The following WRN variants were observed in gnomAD, a reference collection of about 807,000 sequenced individuals.
The protein encoded by WRN is WRN RecQ like helicase, also known as bifunctional 3'-5' exonuclease/ATP-dependent helicase WRN.
Under a neutral mutation model 180.7 loss-of-function variants are expected in WRN, and 149 were observed. The observed-to-expected ratio is 0.82, with a 90% CI of 0.72 to 0.94. WRN has a LOEUF of 0.94. WRN is among the 40% of genes least tolerant of loss of function. The probability of loss-of-function intolerance (pLI) is 0.00; values close to 1 mark genes in which losing one functional copy is unlikely to be tolerated. For synonymous variants in WRN, 548 were observed against 568.9 expected (o/e 0.96, Z 0.52); for missense variants, 1,661 against 1,700.1 (o/e 0.98, Z 0.40).
chr8:31,148,363 T>C (rs978424125), intron 30 of WRN, among the ~76,000 whole-genome samples: 2 of 152,220 alleles, frequency 1.3e-5, no homozygotes, highest in African/African-American at 4.8e-5. Context: ...TCATCTGATA[T>C]ATGAGTACCA....
rs1212981610 is a variant in WRN at position 31,147,408 on chromosome 8, C to A, written c.3504C>A (p.Ala1168=). ...TGGTAGAAGCTAGGCAGAAACATGC[C>A]AATAAAATGGATGTTCCCCCAGCTA... ...GKLVEARQKH[A]NKMDVPPAIL... Residue 1168 remains alanine (A), a synonymous_variant, in exon 30 of 35, where the codon GCC becomes GCA. Coordinates refer to ENST00000298139, the MANE Select transcript of WRN (RefSeq NM_000553.6). The A allele has an allele frequency of 1.9e-6, 3 of 1,613,846 alleles. No individual in the cohort carries two copies. Among genetic ancestry groups the A allele is most frequent in the Non-Finnish European group, 2.5e-6 (3 of 1,179,976 alleles).
intron 33 of WRN, among the ~76,000 whole-genome samples, chr8:31,162,536 A>G (rs969692698): frequency 6.6e-6 from 1 of 152,246 alleles, no homozygotes; most frequent in African/African-American, 2.4e-5. Context: ...TGTATAGTAT[A>G]GCAAACACAT....
intron 18 of WRN, among the ~76,000 whole-genome samples, chr8:31,109,843 C>T (rs75953593): frequency 0.024 from 3,695 of 152,154 alleles, 139 homozygotes; most frequent in African/African-American, 0.085. Flanking sequence ...AATCTGATTC[C>T]AAAACAGACT....
At chr8:31,042,534 C>A (rs1213921693) in intron 1 of WRN, among the ~76,000 whole-genome samples, 3 of 152,312 alleles carry the variant, frequency 2.0e-5, no homozygotes, top group Non-Finnish European at 4.4e-5. Flanking sequence ...TGATGAGACT[C>A]TTCTTGTAGG....
intron 16 of WRN, among the ~76,000 whole-genome samples, 184 bp downstream of exon 16, chr8:31,092,082 A>G (rs1251572050): frequency 6.6e-6 from 1 of 151,956 alleles, no homozygotes. Context: ...TACTAAATGC[A>G]TGAAAAAAAA....
At chr8:31,124,383 T>C in intron 21 of WRN, 139 bp from the exon 22 acceptor site, 2 of 644,642 alleles carry the variant, frequency 3.1e-6, no homozygotes, top group Non-Finnish European at 5.4e-6. Context: ...CTTTCTGAGA[T>C]GCTAGAAATG....
At chr8:31,116,585 C>A in intron 20 of WRN, 57 bp downstream of exon 20, 1 of 1,599,666 alleles carries the variant, frequency 6.3e-7, no homozygotes. Context: ...GGATATTTCT[C>A]AAATGTTTAT....
chr8:31,141,999 G>C (rs1802657488), intron 26 of WRN, among the ~76,000 whole-genome samples: 2 of 152,018 alleles, frequency 1.3e-5, no homozygotes, highest in Admixed American at 1.3e-4. Context: ...GCTCAAGCTG[G>C]AGTGCAGTGG....
intron 33 of WRN, among the ~76,000 whole-genome samples, chr8:31,160,413 C>G (rs897351805): frequency 6.6e-6 from 1 of 152,128 alleles, no homozygotes; most frequent in African/African-American, 2.4e-5. Context: ...AGAAAGCTGG[C>G]CAACTCTCCT....
intron 21 of WRN, among the ~76,000 whole-genome samples, chr8:31,121,390 G>A (rs1399029521): frequency 6.6e-6 from 1 of 151,960 alleles, no homozygotes; most frequent in Non-Finnish European, 1.5e-5. Context: ...CATGAACTAT[G>A]CTATGTGTGG....
At chr8:31,057,028 G>T (rs1311434633) in intron 1 of WRN, among the ~76,000 whole-genome samples, 7 of 152,136 alleles carry the variant, frequency 4.6e-5, no homozygotes, top group Admixed American at 4.6e-4. Flanking sequence ...GTGTACAATA[G>T]CGATGGAGTT....
rs919553119 is a variant in WRN, at chr8:31,120,346, A to G, written c.2552A>G (p.Glu851Gly). The change falls in exon 21 of 35, where the codon GAG becomes GGG. Residue 851 changes from glutamate to glycine, a missense_variant. Around this residue, in one of 3 missense-constraint regions of WRN, gnomAD observed 1,141 missense variants for 1,149.4 expected, o/e 0.99. Coordinates refer to ENST00000298139, the MANE Select transcript of WRN (RefSeq NM_000553.6). ...APKDMESYYQEIGRAGRDGLQ... is the reference protein window; with the variant it reads ...APKDMESYYQGIGRAGRDGLQ... ...AAGGACATGGAATCATATTATCAGGAGATTGGTAGAGCTGGTCGTGATGGA... is the reference window on the plus strand; with the variant it reads ...AAGGACATGGAATCATATTATCAGGGGATTGGTAGAGCTGGTCGTGATGGA... The G allele has an allele frequency of 6.2e-7, 1 of 1,612,974 alleles. No homozygotes were observed. Among genetic ancestry groups the G allele is most frequent in the Non-Finnish European group, 8.5e-7 (1 of 1,179,154 alleles).
intron 21 of WRN, among the ~76,000 whole-genome samples, chr8:31,120,779 C>T (rs11574315): frequency 0.015 from 2,237 of 152,014 alleles, 57 homozygotes; most frequent in African/African-American, 0.051. Context: ...TGTCAAGTTG[C>T]GATGTCTTCA....
chr8:31,103,763 C>G (rs1195934771), intron 18 of WRN, among the ~76,000 whole-genome samples: 1 of 151,918 alleles, frequency 6.6e-6, no homozygotes, highest in Non-Finnish European at 1.5e-5. Flanking sequence ...TTGAGACAGT[C>G]TGGTTCTGTC....
chr8:31,124,826 A>AT (rs1431067552), intron 22 of WRN, 82 bp from the exon 23 acceptor site: 3 of 1,377,510 alleles, frequency 2.2e-6, no homozygotes, highest in Middle Eastern at 2.2e-4. Flanking sequence ...ATTAATGGTG[A>AT]TTTTACCTCA....
At chr8:31,100,611 G>C (rs1219696494) in intron 17 of WRN, among the ~76,000 whole-genome samples, 1 of 152,114 alleles carries the variant, frequency 6.6e-6, no homozygotes, top group Non-Finnish European at 1.5e-5. Context: ...TAAATGTCTT[G>C]TTTGGATTAA....
chr8:31,126,360 A>C (rs1801932621), intron 23 of WRN, among the ~76,000 whole-genome samples: 1 of 152,200 alleles, frequency 6.6e-6, no homozygotes, highest in South Asian at 2.1e-4. Flanking sequence ...AAGTCTCTAA[A>C]CCTTAGAAAT....
At chr8:31,150,315 GT>G (rs1303892932) in intron 30 of WRN, 25 bp from the exon 31 acceptor site, 7 of 1,556,098 alleles carry the variant, frequency 4.5e-6, no homozygotes, top group Admixed American at 1.7e-5. Context: ...CCTTTTTGTT[GT>G]TGTTGTTGTT....
At chr8:31,048,533 T>TG (rs1811958098) in intron 1 of WRN, among the ~76,000 whole-genome samples, 2 of 152,080 alleles carry the variant, frequency 1.3e-5, no homozygotes, top group African/African-American at 4.8e-5. Flanking sequence ...ATATATATGC[T>TG]TGTGTGTGTA....
Sources: allele counts gnomAD v4.1 joint callset (sites outside exome capture counted in the v4.1 genomes callset), GRCh38; gene constraint gnomAD v4.1.1; regional missense constraint gnomAD v4.1.1; transcripts MANE v1.5; gene names NCBI Gene and HGNC (gene_info 2026-07-23, HGNC 2026-07-21).